The following CLIP2 variants were observed in gnomAD, a reference collection of about 807,000 sequenced individuals.
The protein encoded by CLIP2 is CAP-Gly domain-containing linker protein 2.
In CLIP2, 41 loss-of-function variants were observed where a neutral mutation model predicts 111.7. The observed-to-expected ratio is 0.37, with a 90% CI of 0.29 to 0.48. The LOEUF is 0.48. CLIP2 is among the 20% of genes least tolerant of loss of function. The pLI is 0.99. For synonymous variants in CLIP2, 660 were observed against 644.2 expected (o/e 1.02, Z -0.37); for missense variants, 1,160 against 1,422.1 (o/e 0.82, Z 2.96).
At chr7:74,299,278 T>C (rs782771808) in intron 1 of CLIP2, among the ~76,000 whole-genome samples, 3 of 152,014 alleles carry the variant, frequency 2.0e-5, no homozygotes, top group Non-Finnish European at 2.9e-5. Context: ...TGAGCTGTGA[T>C]TGTGCCACTG....
At chr7:74,366,166 G>A (rs1316360536) in intron 8 of CLIP2, among the ~76,000 whole-genome samples, 2 of 151,834 alleles carry the variant, frequency 1.3e-5, no homozygotes, top group African/African-American at 4.8e-5. Context: ...CTCTCTGCCT[G>A]TCTTTATTGC....
chr7:74,299,242 T>C (rs1209372099), intron 1 of CLIP2, among the ~76,000 whole-genome samples: 1 of 152,098 alleles, frequency 6.6e-6, no homozygotes, highest in Admixed American at 6.6e-5. Flanking sequence ...GGAGGATTGC[T>C]TGACCCCAGG....
chr7:74,321,042 C>G (rs1196500999), intron 2 of CLIP2, among the ~76,000 whole-genome samples: 1 of 152,142 alleles, frequency 6.6e-6, no homozygotes, highest in Non-Finnish European at 1.5e-5. Context: ...TGATCCAGCT[C>G]TCATGCCCCT....
chr7:74,339,387 C>A (rs1293412842), intron 3 of CLIP2, among the ~76,000 whole-genome samples: 1 of 151,970 alleles, frequency 6.6e-6, no homozygotes, highest in Non-Finnish European at 1.5e-5. Flanking sequence ...CTCACTGTAA[C>A]CTCCACCTCC....
At chr7:74,298,935 C>T (rs554110869) in intron 1 of CLIP2, among the ~76,000 whole-genome samples, 5 of 152,260 alleles carry the variant, frequency 3.3e-5, no homozygotes, top group African/African-American at 4.8e-5. Flanking sequence ...AAAGCCTGGA[C>T]GTGTGACCTA....
At chr7:74,300,330 G>A (rs750125552) in intron 1 of CLIP2, among the ~76,000 whole-genome samples, 5 of 151,972 alleles carry the variant, frequency 3.3e-5, no homozygotes, top group Non-Finnish European at 7.4e-5. Context: ...ATTCCCCTCT[G>A]TATTTTCATG....
In CLIP2 at chr7:74,385,285, ACT is replaced by A. The variant is rs879973528; in HGVS notation, c.2480-1233_2480-1232del. 7.3e-5 allele frequency among the ~76,000 whole-genome samples: 11 copies of A among 151,346 alleles called. No individual in the cohort carries two copies. The Admixed American group carries it at 7.3e-4, about 10-fold the overall frequency. On this transcript the variant is annotated intron_variant, in intron 11 of 16. Coordinates refer to ENST00000223398, the MANE Select transcript of CLIP2 (RefSeq NM_003388.5). ...ACTCCAGCCTGGGTGACAGAGCGAGACTCTGTCTCCAAAAATATAAAAAATAA... is the reference window on the plus strand; with the variant it reads ...ACTCCAGCCTGGGTGACAGAGCGAGACTGTCTCCAAAAATATAAAAAATAA...
chr7:74,380,513 T>C (rs73705364), intron 10 of CLIP2: 5,668 of 226,364 alleles, frequency 0.025, 320 homozygotes, highest in African/African-American at 0.12. Context: ...GAAGGAGCCA[T>C]CTGTTTAATA....
chr7:74,376,029 TGCGGCTACGGGA>T lies in CLIP2; in HGVS notation c.1635_1646del (p.Arg546_Leu549del). On this transcript the variant is annotated inframe_deletion, in exon 10 of 17. Transcript: ENST00000223398. The surrounding 1 kb of genome is among the most constrained non-coding windows in gnomAD (Gnocchi z 7.1). ...GACCACCCAGACGCCGCCGAGATCC[TGCGGCTACGGGA>T]GCGGCTGCTCTCGGCCAGCAAGGAA... 6.2e-7 allele frequency: 1 copy of T among 1,613,022 alleles called. No individual in the cohort carries two copies. Among genetic ancestry groups the T allele is most frequent in the Non-Finnish European group, 8.5e-7 (1 of 1,179,948 alleles).
chr7:74,401,871 G>A (rs1791629785), intron 16 of CLIP2, among the ~76,000 whole-genome samples: 1 of 152,134 alleles, frequency 6.6e-6, no homozygotes. Flanking sequence ...TTTGAGACCA[G>A]CCTGGCCAAT....
intron 2 of CLIP2, among the ~76,000 whole-genome samples, chr7:74,321,765 G>A (rs1788960203): frequency 6.6e-6 from 1 of 151,698 alleles, no homozygotes. Context: ...ACCGCGCCTG[G>A]CCTTTATTTT....
intron 11 of CLIP2, among the ~76,000 whole-genome samples, chr7:74,385,695 A>C (rs1430597411): frequency 2.7e-5 from 4 of 150,156 alleles, no homozygotes; most frequent in Admixed American, 6.7e-5. Context: ...GAGGGGACTA[A>C]GGCTGTGACA....
chr7:74,290,496 C>T (rs1554725225), intron 1 of CLIP2, among the ~76,000 whole-genome samples: 1 of 152,244 alleles, frequency 6.6e-6, no homozygotes, highest in South Asian at 2.1e-4. Context: ...AGCGGGTGCC[C>T]ACTGGGCACT....
intron 13 of CLIP2, among the ~76,000 whole-genome samples, chr7:74,393,482 A>G (rs1791354010): frequency 6.6e-6 from 1 of 151,896 alleles, no homozygotes; most frequent in African/African-American, 2.4e-5. Flanking sequence ...GATTACAGGC[A>G]TGTGCCACCA....
intron 16 of CLIP2, 99 bp downstream of exon 16, chr7:74,401,666 T>G: frequency 8.0e-7 from 1 of 1,248,406 alleles, no homozygotes; most frequent in Non-Finnish European, 1.1e-6. Context: ...AAAGATGCAT[T>G]CTGCAAGAAG....
rs1004894978 is a variant in CLIP2 at position 74,317,476 on chromosome 7, G to A, written c.-67-4G>A. On this transcript the variant is annotated splice_polypyrimidine_tract_variant and splice_region_variant and intron_variant, in intron 1 of 16. Coordinates refer to ENST00000223398, the MANE Select transcript of CLIP2 (RefSeq NM_003388.5). ...GATGTGATCTCTCCTGTCTCTGCCC[G>A]CAGGTGAGTGAAGATGGCAGAGAGG... 34 of 1,330,124 alleles carry A rather than the reference G, an allele frequency of 2.6e-5. No individual in the cohort carries two copies. The highest frequency in any genetic ancestry group is 3.0e-5 in the Non-Finnish European group (31 of 1,033,540). 82.4% of individuals were successfully genotyped at this position (1,330,124 alleles called of 1,614,324 possible). A position where few individuals can be genotyped will look rare whatever the true frequency, so the allele number is the denominator to read the frequency against.
intron 3 of CLIP2, among the ~76,000 whole-genome samples, chr7:74,342,832 C>T (rs961130557): frequency 6.6e-6 from 1 of 151,978 alleles, no homozygotes; most frequent in Non-Finnish European, 1.5e-5. Context: ...CGGATCACGA[C>T]GTCAGGAGAT....
intron 3 of CLIP2, among the ~76,000 whole-genome samples, chr7:74,353,632 C>CA (rs1554307953): frequency 2.6e-5 from 4 of 152,206 alleles, no homozygotes; most frequent in Non-Finnish European, 5.9e-5. Flanking sequence ...TTCTAAGTGA[C>CA]AGAGTTTGAA....
chr7:74,378,377 C>T (rs1329872190), intron 10 of CLIP2, among the ~76,000 whole-genome samples: 1 of 152,088 alleles, frequency 6.6e-6, no homozygotes, highest in Non-Finnish European at 1.5e-5. Flanking sequence ...GTCTGCCCGC[C>T]TTTGCCTCCC....
Sources: allele counts gnomAD v4.1 joint callset (sites outside exome capture counted in the v4.1 genomes callset), GRCh38; gene constraint gnomAD v4.1.1; non-coding constraint Gnocchi (gnomAD v3.1); transcripts MANE v1.5; gene names NCBI Gene and HGNC (gene_info 2026-07-23, HGNC 2026-07-21).